Variants in NTNG1 observed in about 807,000 individuals in gnomAD.
NTNG1 encodes netrin G1, also known as netrin-G1.
A neutral mutation model predicts 54.0 loss-of-function variants in NTNG1; 16 were observed. The observed-to-expected ratio is 0.30, with a 90% CI of 0.20 to 0.45. NTNG1 has a LOEUF of 0.45. Among genes scored for constraint, NTNG1 ranks in the 20% least tolerant of loss-of-function variants. The pLI, the probability that NTNG1 is intolerant of heterozygous loss-of-function variation, is 1.00. For missense variants in NTNG1, 530 were observed against 678.7 expected (o/e 0.78, Z 2.43); for synonymous variants, 255 against 263.1 (o/e 0.97, Z 0.30).
At chr1:107,401,981 A>G (rs1337358214) in intron 4 of NTNG1, among the ~76,000 whole-genome samples, 1 of 151,982 alleles carries the variant, frequency 6.6e-6, no homozygotes, top group East Asian at 2.0e-4. Context: ...AGTAAGCAGC[A>G]GTGCAATTAC....
At chr1:107,432,364 A>G (rs1318021357) in intron 6 of NTNG1, among the ~76,000 whole-genome samples, 2 of 152,208 alleles carry the variant, frequency 1.3e-5, no homozygotes, top group African/African-American at 4.8e-5. Flanking sequence ...ATTGACCCAA[A>G]TCTTACAGCA....
chr1:107,445,376 C>T (rs1403362440), intron 7 of NTNG1, among the ~76,000 whole-genome samples: 3 of 151,944 alleles, frequency 2.0e-5, no homozygotes, highest in Non-Finnish European at 4.4e-5. Context: ...ACAAATGGTC[C>T]CATCAGTTTA....
Position 107,484,303 on chromosome 1 carries a change from C to T in NTNG1, c.*3463C>T, listed in dbSNP as rs529207352. ...GGAAGGAGATAGACAAGGGCTACCA[C>T]GAGGCTGGGGGCCAGTACAGAACAC... is the stretch of plus-strand genomic sequence containing the variant. On this transcript the variant is annotated 3_prime_UTR_variant, in exon 8 of 8. Transcript: ENST00000370068. Among the ~76,000 whole-genome samples the T allele has an allele frequency of 9.9e-5, 15 of 152,280 alleles. No individual in the cohort carries two copies. The East Asian group carries it at 1.4e-3, about 14-fold the overall frequency.
intron 2 of NTNG1, among the ~76,000 whole-genome samples, chr1:107,168,108 A>C (rs902701927): frequency 1.3e-5 from 2 of 152,032 alleles, no homozygotes; most frequent in Non-Finnish European, 2.9e-5. Flanking sequence ...ATTATTCATG[A>C]AGTCTAGCCT....
chr1:107,383,067 G>C (rs562037360), intron 3 of NTNG1, among the ~76,000 whole-genome samples: 8 of 152,312 alleles, frequency 5.3e-5, no homozygotes, highest in African/African-American at 1.9e-4. Flanking sequence ...CTTTTACACA[G>C]ATTTGATGTT....
intron 2 of NTNG1, among the ~76,000 whole-genome samples, chr1:107,162,023 T>C (rs11805251): frequency 1.3e-5 from 2 of 152,226 alleles, no homozygotes; most frequent in African/African-American, 4.8e-5. Flanking sequence ...ATCATGTTAA[T>C]ACTATATATA....
chr1:107,421,113 T>G, intron 5 of NTNG1: 1 of 1,610,276 alleles, frequency 6.2e-7, no homozygotes, highest in South Asian at 1.1e-5. Context: ...GTCAACAGTT[T>G]CTTCTGTTCA....
At chr1:107,278,218 G>A (rs1352507144) in intron 2 of NTNG1, among the ~76,000 whole-genome samples, 1 of 152,148 alleles carries the variant, frequency 6.6e-6, no homozygotes, top group African/African-American at 2.4e-5. Flanking sequence ...TTTCCAAGAA[G>A]TATTTCCTAA....
intron 2 of NTNG1, among the ~76,000 whole-genome samples, chr1:107,265,573 A>G (rs893583964): frequency 6.6e-6 from 1 of 152,224 alleles, no homozygotes; most frequent in Non-Finnish European, 1.5e-5. Context: ...CTAAAAAGCA[A>G]TGAGTTCTAT....
intron 3 of NTNG1, among the ~76,000 whole-genome samples, chr1:107,349,899 T>C (rs1226899303): frequency 2.6e-5 from 4 of 152,298 alleles, no homozygotes; most frequent in East Asian, 3.9e-4. Context: ...AAATTTTTGG[T>C]ACATGTGTGC....
chr1:107,404,320 C>A (rs1457653301), intron 4 of NTNG1, among the ~76,000 whole-genome samples: 1 of 152,060 alleles, frequency 6.6e-6, no homozygotes, highest in Non-Finnish European at 1.5e-5. Flanking sequence ...GTTTCCCCAG[C>A]TGAGCATCAA....
At chr1:107,229,794 A>C (rs1212620771) in intron 2 of NTNG1, among the ~76,000 whole-genome samples, 1 of 151,904 alleles carries the variant, frequency 6.6e-6, no homozygotes, top group Non-Finnish European at 1.5e-5. Context: ...CATAGTGCTT[A>C]GTATTTCTGC....
rs1355200475 is a variant in NTNG1 at position 107,469,254 on chromosome 1, C to T, written c.1391-11357C>T. Among the ~76,000 whole-genome samples, 6 of 152,230 alleles carry T rather than the reference C, an allele frequency of 3.9e-5. No individual in the cohort carries two copies. In the East Asian group the frequency reaches 1.2e-3, roughly 29 times the overall value. Reference sequence around the variant, plus strand: ...AGTCACCATTCTCTTCCTGTTCATGCTTCCATTATCAAACCATGTGTATGG... The same window carrying T: ...AGTCACCATTCTCTTCCTGTTCATGTTTCCATTATCAAACCATGTGTATGG... On this transcript the variant is annotated intron_variant, in intron 7 of 7. Coordinates refer to ENST00000370068, the MANE Select transcript of NTNG1 (RefSeq NM_001113226.3).
At chr1:107,468,064 T>C (rs1330717100) in intron 7 of NTNG1, among the ~76,000 whole-genome samples, 2 of 152,252 alleles carry the variant, frequency 1.3e-5, no homozygotes, top group African/African-American at 4.8e-5. Context: ...GGGGTGGTTA[T>C]GGTGACAGCA....
chr1:107,377,615 A>G (rs1197287050), intron 3 of NTNG1, among the ~76,000 whole-genome samples: 1 of 152,226 alleles, frequency 6.6e-6, no homozygotes, highest in African/African-American at 2.4e-5. Flanking sequence ...CATTTTCTCC[A>G]GTGAGAGGAT....
chr1:107,268,224 T>C (rs1049426072), intron 2 of NTNG1, among the ~76,000 whole-genome samples: 1 of 152,028 alleles, frequency 6.6e-6, no homozygotes, highest in Non-Finnish European at 1.5e-5. Flanking sequence ...CCTGGAAAGA[T>C]TTGTCTATAC....
rs1438538968 is a variant in NTNG1 at position 107,141,072 on chromosome 1, TC to T, written c.-589del. Reference sequence around the variant, plus strand: ...GAAGAGGACGTCAACGGGAAGGAATTCCCCCTCTGGGTGCGGGCTCCGAGAG... The same window carrying T: ...GAAGAGGACGTCAACGGGAAGGAATTCCCCTCTGGGTGCGGGCTCCGAGAG... On this transcript the variant is annotated 5_prime_UTR_variant, in exon 1 of 8. Transcript: ENST00000370068. 6.6e-6 allele frequency: 1 copy of T among 152,212 alleles called. No homozygotes were observed. Among genetic ancestry groups the T allele is most frequent in the African/African-American group, 2.4e-5 (1 of 41,336 alleles). The allele number at this position is 152,212 out of a possible 1,614,324, so 9.4% of individuals were successfully genotyped here.
In NTNG1 at chr1:107,467,640, T is replaced by G. The variant is rs139871284; in HGVS notation, c.1391-12971T>G. 3.0e-3 allele frequency among the ~76,000 whole-genome samples: 461 copies of G among 152,236 alleles called. 2 individuals carry two copies. Among genetic ancestry groups the G allele is most frequent in the African/African-American group, 0.011 (445 of 41,526 alleles). ...ACAGTAAATGATCAAGTACTAAACT[T>G]TGTGGTTCAAATTTTGAGTGTCTCA... On this transcript the variant is annotated intron_variant, in intron 7 of 7. Transcript: ENST00000370068.
intron 3 of NTNG1, among the ~76,000 whole-genome samples, chr1:107,336,707 A>C (rs1570708540): frequency 6.6e-6 from 1 of 152,162 alleles, no homozygotes; most frequent in East Asian, 1.9e-4. Context: ...ATGGGTGGGA[A>C]TATTTGTAAA....
Sources: gnomAD v4.1 joint callset for allele counts (sites outside exome capture counted in the v4.1 genomes callset) on GRCh38, gnomAD v4.1.1 for gene constraint, MANE v1.5 for transcripts, NCBI Gene and HGNC (gene_info 2026-07-23, HGNC 2026-07-21) for gene names.